RPA1: variants seen among roughly 807,000 people sequenced by gnomAD.
The protein encoded by RPA1 is replication protein A1.
RPA1 carries 49 observed loss-of-function variants against 83.0 expected under a neutral mutation model. The observed-to-expected ratio is 0.59, with a 90% CI of 0.47 to 0.75. The LOEUF (loss-of-function observed/expected upper bound fraction) is 0.75, where lower values mean the gene tolerates loss of function less well. RPA1 is among the 30% of genes least tolerant of loss of function. The probability of loss-of-function intolerance (pLI) is 0.00; values close to 1 mark genes in which losing one functional copy is unlikely to be tolerated. For synonymous variants in RPA1, 279 were observed against 281.8 expected (o/e 0.99, Z 0.10); for missense variants, 693 against 776.1 (o/e 0.89, Z 1.27).
chr17:1,895,643 C>T (rs1281068659), intron 16 of RPA1, among the ~76,000 whole-genome samples: 5 of 118,728 alleles, frequency 4.2e-5, no homozygotes, highest in East Asian at 2.6e-4. Flanking sequence ...CCTGAAATTG[C>T]CCATAATACC....
chr17:1,882,433 T>C (rs1203040454), intron 12 of RPA1, among the ~76,000 whole-genome samples: 2 of 151,666 alleles, frequency 1.3e-5, no homozygotes, highest in Admixed American at 1.3e-4. Context: ...AGGTGGACAA[T>C]TGCTTGAGGC....
At chr17:1,863,643 CT>C (rs1913071095) in intron 5 of RPA1, among the ~76,000 whole-genome samples, 1 of 152,228 alleles carries the variant, frequency 6.6e-6, no homozygotes, top group African/African-American at 2.4e-5. Context: ...ACGTGAGCCC[CT>C]GCAGGGGGCC....
intron 5 of RPA1, among the ~76,000 whole-genome samples, chr17:1,854,594 C>T (rs1912618782): frequency 6.6e-6 from 1 of 151,914 alleles, no homozygotes; most frequent in East Asian, 1.9e-4. Flanking sequence ...GTCTCAGCTA[C>T]TTGGGAGGAT....
chr17:1,859,615 G>GT (rs146611739), intron 5 of RPA1, among the ~76,000 whole-genome samples: 1,611 of 151,748 alleles, frequency 0.011, 15 homozygotes, highest in African/African-American at 0.02. Context: ...CCACTTTGGC[G>GT]TTTTTTTTGT....
Position 1,879,571 on chromosome 17 carries a change from A to G in RPA1, c.964A>G (p.Ile322Val). 1 of 1,614,190 alleles carries G rather than the reference A, an allele frequency of 6.2e-7. No individual in the cohort carries two copies. The highest frequency in any genetic ancestry group is 8.5e-7 in the Non-Finnish European group (1 of 1,180,034). ...SKDSLVDIIG[I>V]CKSYEDATKI... is the part of the protein sequence containing the mutation. ...TGCATGTGTTTTAGACATCATCGGGATCTGCAAGAGCTATGAAGACGCCAC... is the reference window on the plus strand; with the variant it reads ...TGCATGTGTTTTAGACATCATCGGGGTCTGCAAGAGCTATGAAGACGCCAC... The change falls in exon 11 of 17, where the codon ATC becomes GTC. Residue 322 changes from isoleucine to valine, a missense_variant. Coordinates refer to ENST00000254719, the MANE Select transcript of RPA1 (RefSeq NM_002945.5).
At chr17:1,834,070 C>T (rs1378993540) in intron 1 of RPA1, among the ~76,000 whole-genome samples, 2 of 152,094 alleles carry the variant, frequency 1.3e-5, no homozygotes, top group African/African-American at 4.8e-5. Flanking sequence ...ATCCCTGCTG[C>T]TTGAGAGCCT....
chr17:1,848,819 C>G (rs1912363099), intron 4 of RPA1, among the ~76,000 whole-genome samples: 1 of 152,052 alleles, frequency 6.6e-6, no homozygotes, highest in African/African-American at 2.4e-5. Flanking sequence ...CCACCTCGGC[C>G]TCCCAAAGTC....
At chr17:1,843,824 G>A (rs1284075257) in intron 2 of RPA1, 96 bp from the exon 3 acceptor site, 1 of 894,956 alleles carries the variant, frequency 1.1e-6, no homozygotes, top group African/African-American at 1.7e-5. Flanking sequence ...AGTTTGTGTT[G>A]AACTAATGGC....
intron 2 of RPA1, among the ~76,000 whole-genome samples, chr17:1,843,598 CATTATTATT>C (rs139126914): frequency 0.2 from 28,840 of 141,008 alleles, 3,231 homozygotes; most frequent in East Asian, 0.39. Context: ...TTGGGTGCTT[CATTATTATT>C]ATTATTATTA....
intron 5 of RPA1, among the ~76,000 whole-genome samples, chr17:1,870,543 C>T (rs534834381): frequency 4.6e-5 from 7 of 152,322 alleles, no homozygotes; most frequent in East Asian, 3.9e-4. Context: ...TTAACGTTGG[C>T]GTAAGCCATC....
At chr17:1,890,569 C>T (rs1567828504) in intron 14 of RPA1, among the ~76,000 whole-genome samples, 1 of 148,256 alleles carries the variant, frequency 6.7e-6, no homozygotes. Context: ...AGGCTGAGGC[C>T]GGGGAATGGC....
At chr17:1,844,453 T>G (rs1597422606) in intron 3 of RPA1, 125 bp from the exon 4 acceptor site, 1 of 650,362 alleles carries the variant, frequency 1.5e-6, no homozygotes, top group Admixed American at 2.7e-5. Flanking sequence ...CTCTGCAGAG[T>G]CTGACTAGTT....
intron 7 of RPA1, among the ~76,000 whole-genome samples, chr17:1,876,155 T>G (rs1349998054): frequency 6.6e-6 from 1 of 152,242 alleles, no homozygotes; most frequent in African/African-American, 2.4e-5. Flanking sequence ...TATAAACAGG[T>G]GACTTCGTCT....
chr17:1,877,120 C>G (rs17292077), intron 7 of RPA1, 92 bp from the exon 8 acceptor site: 12 of 1,195,098 alleles, frequency 1.0e-5, no homozygotes, highest in African/African-American at 9.1e-5. Flanking sequence ...ACGGAATATG[C>G]GTAAGACGAG....
intron 1 of RPA1, among the ~76,000 whole-genome samples, chr17:1,837,426 T>C (rs937100688): frequency 6.6e-6 from 1 of 152,362 alleles, no homozygotes; most frequent in South Asian, 2.1e-4. Context: ...ATGAAGATGC[T>C]ATGACCATTT....
At position 1,880,641 on chromosome 17, in the gene RPA1, C is replaced by T; in HGVS notation, c.1191C>T (p.Ser397=). 1 of 1,614,024 alleles carries T rather than the reference C, an allele frequency of 6.2e-7. No homozygotes were observed. The highest frequency in any genetic ancestry group is 8.5e-7 in the Non-Finnish European group (1 of 1,180,022). The change falls in exon 12 of 17, where the codon AGC becomes AGT. Residue 397 remains serine (S), a synonymous_variant. Coordinates refer to ENST00000254719, the MANE Select transcript of RPA1 (RefSeq NM_002945.5). The part of the protein sequence containing the change: ...GGRSLSVLSS[S]TIIANPDIPE... ...GGAGCCTCTCCGTGCTGTCTTCAAG[C>T]ACTATCATTGCGAATCCTGACATCC...
chr17:1,891,484 A>G (rs1275046214), intron 14 of RPA1, among the ~76,000 whole-genome samples: 4 of 91,284 alleles, frequency 4.4e-5, no homozygotes, highest in Non-Finnish European at 1.4e-4. Flanking sequence ...CAGTGGCTCG[A>G]TCTCAGCTCG....
Position 1,867,115 on chromosome 17 carries a change from C to A in RPA1, c.362-5319C>A, listed in dbSNP as rs150328234. ...TGATGCTTTAAATTGGAGAGGGAAT[C>A]GGGTAAATTATTCGGCTAAATTATT... On this transcript the variant is annotated intron_variant, in intron 5 of 16. Transcript: ENST00000254719. Among the ~76,000 whole-genome samples, 7 of 152,208 alleles carry A rather than the reference C, an allele frequency of 4.6e-5. No individual in the cohort carries two copies. In the South Asian group the frequency reaches 1.5e-3, roughly 32 times the overall value.
intron 12 of RPA1, among the ~76,000 whole-genome samples, chr17:1,881,870 T>TA (rs1409500114): frequency 1.2e-5 from 1 of 80,504 alleles, no homozygotes; most frequent in African/African-American, 4.3e-5. Flanking sequence ...GCAGAGTTTT[T>TA]ATTGTAAGAA....
Sources: gnomAD v4.1 joint callset for allele counts (sites outside exome capture counted in the v4.1 genomes callset) on GRCh38, gnomAD v4.1.1 for gene constraint, MANE v1.5 for transcripts, NCBI Gene and HGNC (gene_info 2026-07-23, HGNC 2026-07-21) for gene names.